SAMD12: variants seen among roughly 807,000 people sequenced by gnomAD.
The protein encoded by SAMD12 is sterile alpha motif domain containing 12, also known as sterile alpha motif domain-containing protein 12.
Under a neutral mutation model 15.0 loss-of-function variants are expected in SAMD12, and 9 were observed. That is an observed-to-expected ratio of 0.60 (90% confidence interval 0.36 to 1.05). The LOEUF (loss-of-function observed/expected upper bound fraction) is 1.05, where lower values mean the gene tolerates loss of function less well. SAMD12 is among the 50% of genes least tolerant of loss of function. The probability of loss-of-function intolerance (pLI) is 0.01; values close to 1 mark genes in which losing one functional copy is unlikely to be tolerated. For missense variants in SAMD12, 230 were observed against 234.2 expected, an observed-to-expected ratio of 0.98 and a Z score of 0.12; for synonymous variants, 86 against 90.1, an observed-to-expected ratio of 0.96 and a Z score of 0.25.
intron 2 of SAMD12, among the ~76,000 whole-genome samples, chr8:118,550,061 C>A (rs1166175345): frequency 1.3e-5 from 2 of 152,078 alleles, no homozygotes; most frequent in Non-Finnish European, 2.9e-5. Flanking sequence ...ATTGGTGTAC[C>A]TGAAAGTGAC....
intron 2 of SAMD12, among the ~76,000 whole-genome samples, chr8:118,502,051 C>G (rs1384232087): frequency 6.7e-6 from 1 of 148,360 alleles, no homozygotes; most frequent in Non-Finnish European, 1.5e-5. Context: ...GATGCAGATT[C>G]TGATTCAGCA....
At chr8:118,210,010 C>A (rs1819974428) in intron 4 of SAMD12, among the ~76,000 whole-genome samples, 1 of 152,192 alleles carries the variant, frequency 6.6e-6, no homozygotes, top group Admixed American at 6.5e-5. Flanking sequence ...ACAGTCCTAC[C>A]ACCACCTTGC....
intron 3 of SAMD12, among the ~76,000 whole-genome samples, chr8:118,396,535 A>C (rs1391606773): frequency 2.6e-5 from 4 of 152,200 alleles, no homozygotes; most frequent in African/African-American, 9.7e-5. Context: ...GTAGATATTC[A>C]TTAAAGTTTT....
intron 4 of SAMD12, among the ~76,000 whole-genome samples, chr8:118,346,737 A>C (rs375536192): frequency 8.0e-4 from 122 of 152,348 alleles, no homozygotes; most frequent in African/African-American, 2.7e-3. Flanking sequence ...CAAAATCAAC[A>C]AAGGGAAAAG....
intron 4 of SAMD12, among the ~76,000 whole-genome samples, chr8:118,366,498 T>A (rs1409108804): frequency 2.0e-5 from 3 of 152,174 alleles, no homozygotes; most frequent in Non-Finnish European, 4.4e-5. Context: ...AATGATTGTA[T>A]AATTGCTACT....
chr8:118,214,468 G>T (rs1811909329), intron 4 of SAMD12, among the ~76,000 whole-genome samples: 1 of 152,188 alleles, frequency 6.6e-6, no homozygotes, highest in Admixed American at 6.5e-5. Flanking sequence ...ACCAAAAGAG[G>T]CAACACTGTC....
At chr8:118,402,013 T>C (rs936144037) in intron 3 of SAMD12, among the ~76,000 whole-genome samples, 1 of 152,216 alleles carries the variant, frequency 6.6e-6, no homozygotes, top group Non-Finnish European at 1.5e-5. Flanking sequence ...AATATTCTGA[T>C]TTACAGAGCT....
At chr8:118,192,503 G>A (rs1819433953) in exon 5 of SAMD12, 1 of 152,158 alleles carries the variant, frequency 6.6e-6, no homozygotes, top group African/African-American at 2.4e-5. Flanking sequence ...GTTCACATCA[G>A]TAGGGCTGTT....
At chr8:118,193,732 A>G (rs1819474424) in exon 5 of SAMD12, 2 of 152,208 alleles carry the variant, frequency 1.3e-5, no homozygotes, top group Non-Finnish European at 2.9e-5. Flanking sequence ...CTTGAAAACT[A>G]CCCACAGCAT....
intron 2 of SAMD12, among the ~76,000 whole-genome samples, chr8:118,546,120 C>A (rs1401087663): frequency 6.6e-6 from 1 of 152,074 alleles, no homozygotes; most frequent in African/African-American, 2.4e-5. Context: ...TGCAGTGCAG[C>A]GAGAAACCCA....
chr8:118,468,461 T>C (rs1025815656), intron 2 of SAMD12, among the ~76,000 whole-genome samples: 3 of 152,104 alleles, frequency 2.0e-5, no homozygotes, highest in African/African-American at 4.8e-5. Flanking sequence ...AATAACCCAA[T>C]GCAAAGAGAG....
the SAMD12 span, among the ~76,000 whole-genome samples, chr8:118,163,800 T>A: frequency 0.086 from 13,054 of 152,090 alleles, 973 homozygotes; most frequent in African/African-American, 0.19. Context: ...GAGTGAACCC[T>A]GGAGGCAGAG....
At chr8:118,139,469 C>T in the SAMD12 span, among the ~76,000 whole-genome samples, 1 of 152,200 alleles carries the variant, frequency 6.6e-6, no homozygotes, top group African/African-American at 2.4e-5. Context: ...AGCCCTCTTC[C>T]TGCCTCAGCC....
chr8:118,339,971 T>A (rs1817268622), intron 4 of SAMD12, among the ~76,000 whole-genome samples: 4 of 152,226 alleles, frequency 2.6e-5, no homozygotes, highest in Admixed American at 2.6e-4. Context: ...TTCAATAGAC[T>A]GTGAGCTCCT....
intron 2 of SAMD12, among the ~76,000 whole-genome samples, chr8:118,492,541 T>C (rs150668029): frequency 7.6e-4 from 116 of 152,302 alleles, no homozygotes; most frequent in African/African-American, 2.7e-3. Context: ...TCATGCTATC[T>C]CCATTTGCTG....
chr8:118,549,690 T>C (rs972389868), intron 2 of SAMD12, among the ~76,000 whole-genome samples: 1 of 152,144 alleles, frequency 6.6e-6, no homozygotes, highest in Non-Finnish European at 1.5e-5. Context: ...AGAATGACTT[T>C]GACAAGTTGA....
At chr8:118,422,573 G>A (rs1323814759) in intron 3 of SAMD12, among the ~76,000 whole-genome samples, 1 of 152,098 alleles carries the variant, frequency 6.6e-6, no homozygotes, top group Non-Finnish European at 1.5e-5. Context: ...AAATGAAGCT[G>A]ACGAAAAACC....
At chr8:118,179,150 C>T in the SAMD12 span, among the ~76,000 whole-genome samples, 46 of 152,034 alleles carry the variant, frequency 3.0e-4, no homozygotes, top group African/African-American at 2.2e-4. Context: ...GTAAAGAATT[C>T]TAAATAAGGG....
At chr8:118,238,626 C>T (rs1004570441) in intron 4 of SAMD12, among the ~76,000 whole-genome samples, 8 of 152,120 alleles carry the variant, frequency 5.3e-5, no homozygotes, top group African/African-American at 1.9e-4. Context: ...ATCTAGTCAA[C>T]ACATTCATTC....
Sources: allele counts gnomAD v4.1 joint callset (sites outside exome capture counted in the v4.1 genomes callset), GRCh38; gene constraint gnomAD v4.1.1; transcripts MANE v1.5; gene names NCBI Gene and HGNC (gene_info 2026-07-23, HGNC 2026-07-21).